Variants in CHPF2 observed in about 807,000 individuals in gnomAD.
CHPF2 encodes chondroitin polymerizing factor 2.
CHPF2 carries 58 observed loss-of-function variants against 63.0 expected under a neutral mutation model. The observed-to-expected ratio is 0.92, with a 90% confidence interval of 0.75 to 1.15. The LOEUF (loss-of-function observed/expected upper bound fraction) is 1.15, where lower values mean the gene tolerates loss of function less well. Ranked by LOEUF, CHPF2 falls within the 50% of genes most tolerant of loss-of-function variation. The pLI is 0.00. For missense variants in CHPF2, 1,045 were observed against 1,035.4 expected (o/e 1.01, Z -0.13); for synonymous variants, 442 against 438.0 (o/e 1.01, Z -0.11).
Position 151,232,671 on chromosome 7 carries a change from C to G in CHPF2, c.-1341C>G. On this transcript the variant is annotated 5_prime_UTR_variant, in exon 1 of 4. Coordinates refer to ENST00000035307, the MANE Select transcript of CHPF2 (RefSeq NM_019015.3). ...GGGACGCCGGGAGACCCCGGCCGTC[C>G]TTTATCCGGTGTCCGCCGGCCCCCG... 1 of 1,337,194 alleles carries G rather than the reference C, an allele frequency of 7.5e-7. No individual in the cohort carries two copies. Among genetic ancestry groups the G allele is most frequent in the African/African-American group, 1.5e-5 (1 of 65,384 alleles). The allele number at this position is 1,337,194 out of a possible 1,614,324, so 82.8% of individuals were successfully genotyped here. A position where few individuals can be genotyped will look rare whatever the true frequency, so the allele number is the denominator to read the frequency against.
In CHPF2 at chr7:151,238,313, G is replaced by A. The variant is rs1454866112; in HGVS notation, c.1951G>A (p.Gly651Ser). 6.2e-7 allele frequency: 1 copy of A among 1,609,844 alleles called. No homozygotes were observed. The highest frequency in any genetic ancestry group is 1.7e-5 in the Admixed American group (1 of 59,892). ...GAGPDPPSPP[G>S]ADPSRGAPIG... is the part of the protein sequence containing the mutation. ...TGGCCCTGACCCCCCCTCCCCTCCT[G>A]GTGCTGACCCCTCCCGGGGGGCTCC... Residue 651 changes from glycine (G) to serine (S), a missense_variant, in exon 4 of 4, where the codon GGT becomes AGT. Transcript: ENST00000035307.
chr7:151,234,327 G>C, intron 1 of CHPF2, 53 bp downstream of exon 1: 1 of 1,360,870 alleles, frequency 7.3e-7, no homozygotes, highest in Non-Finnish European at 9.7e-7. Flanking sequence ...TTTTGGGCTG[G>C]TGTAAATCCT....
chr7:151,236,386 A>T, intron 2 of CHPF2, 22 bp from the exon 3 acceptor site: 1 of 1,542,820 alleles, frequency 6.5e-7, no homozygotes, highest in Non-Finnish European at 8.8e-7. Context: ...TGTGTCATTG[A>T]TTGGTCTGAT....
chr7:151,237,528 G>C lies in CHPF2; in HGVS notation c.1166G>C (p.Gly389Ala). 4 of 1,614,006 alleles carry C rather than the reference G, an allele frequency of 2.5e-6. No individual in the cohort carries two copies. The highest frequency in any genetic ancestry group is 3.4e-6 in the Non-Finnish European group (4 of 1,180,022). The change falls in exon 4 of 4, where the codon GGG (glycine) becomes GCG (alanine). Residue 389 changes from glycine to alanine, a missense_variant. Gly to Ala is a moderately conservative substitution (Grantham distance 60, BLOSUM62 0). Transcript: ENST00000035307. Reference sequence around the variant, plus strand: ...CAGCACACCTTCTCCTGTGCAGATGGGGCTCCCAAGTGCCCACTACAGGGG... The same window carrying C: ...CAGCACACCTTCTCCTGTGCAGATGCGGCTCCCAAGTGCCCACTACAGGGG... The part of the protein sequence containing the change: ...TEQHTFSCAD[G>A]APKCPLQGAS...
intron 2 of CHPF2, among the ~76,000 whole-genome samples, 191 bp from the exon 3 acceptor site, chr7:151,236,217 A>G (rs896987072): frequency 2.0e-5 from 3 of 152,206 alleles, no homozygotes; most frequent in Non-Finnish European, 2.9e-5. Flanking sequence ...TTAGTTGCCT[A>G]CTTGCTTTCT....
At chr7:151,234,514 G>A (rs921282536) in intron 1 of CHPF2, among the ~76,000 whole-genome samples, 2 of 152,036 alleles carry the variant, frequency 1.3e-5, no homozygotes, top group Non-Finnish European at 2.9e-5. Context: ...GTTTTGAGAC[G>A]GAGTCTTGCT....
rs761795359 is a variant in CHPF2, at chr7:151,236,569, C to T, written c.990C>T (p.Tyr330=). ...RFSALELERA[Y]SEIEQLQAQI... Reference sequence around the variant, plus strand: ...GCGCTCTGGAGTTGGAGCGGGCTTACAGTGAAATAGAACAACTGCAGGTGA... The same window carrying T: ...GCGCTCTGGAGTTGGAGCGGGCTTATAGTGAAATAGAACAACTGCAGGTGA... Residue 330 remains tyrosine (Y), a synonymous_variant, in exon 3 of 4, where the codon TAC becomes TAT. Coordinates refer to ENST00000035307, the MANE Select transcript of CHPF2 (RefSeq NM_019015.3). 4.4e-6 allele frequency: 7 copies of T among 1,589,892 alleles called. No homozygotes were observed. The Admixed American group carries it at 1.0e-4, about 24-fold the overall frequency.
chr7:151,234,312 C>G, intron 1 of CHPF2, 38 bp downstream of exon 1: 1 of 1,442,544 alleles, frequency 6.9e-7, no homozygotes, highest in East Asian at 2.6e-5. Flanking sequence ...CAGACACTGG[C>G]CCTGTTTTGG....
chr7:151,233,561 T>A lies in CHPF2; in HGVS notation c.-451T>A. On this transcript the variant is annotated 5_prime_UTR_variant, in exon 1 of 4. In the 5' UTR this introduces an upstream ATG that the reference lacks. Transcript: ENST00000035307. ...CTGAGGCAGGCTCCGGCTCCTCTGGTTGGGGCTGTTGTTTTGATGGATCGT... is the reference window on the plus strand; with the variant it reads ...CTGAGGCAGGCTCCGGCTCCTCTGGATGGGGCTGTTGTTTTGATGGATCGT... The A allele has an allele frequency of 1.0e-6, 1 of 986,686 alleles. No homozygotes were observed. The highest frequency in any genetic ancestry group is 1.2e-6 in the Non-Finnish European group (1 of 830,824). 61.1% of individuals were successfully genotyped at this position (986,686 alleles called of 1,614,324 possible).
At chr7:151,234,970 GA>G (rs1802587646) in intron 1 of CHPF2, 77 bp from the exon 2 acceptor site, 4 of 1,171,298 alleles carry the variant, frequency 3.4e-6, no homozygotes, top group African/African-American at 1.5e-5. Context: ...CTCACTCCTA[GA>G]GGGGGATGTA....
Position 151,234,206 on chromosome 7 carries a change from T to C in CHPF2, c.195T>C (p.Asp65=). The change falls in exon 1 of 4, where the codon GAT becomes GAC. Residue 65 remains aspartate, a synonymous_variant. Transcript: ENST00000035307. ...CCAGAGCTCGGCTAGACCAAAGTGA[T>C]GAAGACTTCAAACCCCGGATTGTCC... ...PDSRARLDQS[D]EDFKPRIVPY... The C allele has an allele frequency of 6.2e-7, 1 of 1,613,350 alleles. No individual in the cohort carries two copies.
rs140913168 is a variant in CHPF2, at chr7:151,235,591, C to T, written c.807C>T (p.Val269=). The change falls in exon 2 of 4, where the codon GTC becomes GTT. Residue 269 remains valine (V), a synonymous_variant. Coordinates refer to ENST00000035307, the MANE Select transcript of CHPF2 (RefSeq NM_019015.3). ...GCTGCCTCATTGACTCTCTGGGCGT[C>T]GGCTGTGTCTCACAGCACCAGGTGA... The part of the protein sequence containing the change: ...LGRCLIDSLG[V]GCVSQHQGQQ... 31 of 1,605,580 alleles carry T rather than the reference C, an allele frequency of 1.9e-5. No individual in the cohort carries two copies. In the African/African-American group the frequency reaches 2.0e-4, roughly 10 times the overall value.
Position 151,235,560 on chromosome 7 carries a change from T to C in CHPF2, c.776T>C (p.Leu259Pro), listed in dbSNP as rs776356489. The change falls in exon 2 of 4, where the codon CTT (leucine) becomes CCT (proline). Residue 259 changes from leucine to proline, a missense_variant. Transcript: ENST00000035307. The part of the protein sequence containing the change: ...DILSARPDEW[L>P]GRCLIDSLGV... Reference sequence around the variant, plus strand: ...CTCAGTGCCCGTCCTGACGAGTGGCTTGGACGCTGCCTCATTGACTCTCTG... The same window carrying C: ...CTCAGTGCCCGTCCTGACGAGTGGCCTGGACGCTGCCTCATTGACTCTCTG... The C allele has an allele frequency of 6.2e-7, 1 of 1,609,906 alleles. No homozygotes were observed. The highest frequency in any genetic ancestry group is 1.1e-5 in the South Asian group (1 of 91,090).
In CHPF2 at chr7:151,238,127, C is replaced by T. The variant is rs772623442; in HGVS notation, c.1765C>T (p.Leu589Phe). Residue 589 changes from leucine (L) to phenylalanine (F), a missense_variant, in exon 4 of 4, where the codon CTC becomes TTC. Coordinates refer to ENST00000035307, the MANE Select transcript of CHPF2 (RefSeq NM_019015.3). ...CTCGAAGAAGCACCCTGTGGACACT[C>T]TCTTCTTCCTTACCACCGTGTGGAC... ...VVSKKHPVDT[L>F]FFLTTVWTRP... The T allele has an allele frequency of 6.2e-7, 1 of 1,612,398 alleles. No individual in the cohort carries two copies. Among genetic ancestry groups the T allele is most frequent in the Non-Finnish European group, 8.5e-7 (1 of 1,180,018 alleles).
At position 151,235,620 on chromosome 7, in the gene CHPF2, C is replaced by G. The variant is rs371745061; in HGVS notation, c.828+8C>G. 6.3e-7 allele frequency: 1 copy of G among 1,597,600 alleles called. No individual in the cohort carries two copies. Among genetic ancestry groups the G allele is most frequent in the Non-Finnish European group, 8.5e-7 (1 of 1,173,070 alleles). On this transcript the variant is annotated splice_region_variant and intron_variant, in intron 2 of 3. Coordinates refer to ENST00000035307, the MANE Select transcript of CHPF2 (RefSeq NM_019015.3). ...TGTGTCTCACAGCACCAGGTGACAG[C>G]TCTTTCAAGTCAGTCCCAGTCCCTG...
rs769781305 is a variant in CHPF2 at position 151,238,625 on chromosome 7, G to C, written c.2263G>C (p.Gly755Arg). The change falls in exon 4 of 4, where the codon GGC (glycine) becomes CGC (arginine). Residue 755 changes from glycine (G) to arginine (R), a missense_variant. Gly to Arg is a moderately radical substitution (Grantham distance 125). Coordinates refer to ENST00000035307, the MANE Select transcript of CHPF2 (RefSeq NM_019015.3). ...CRLSNLEGLG[G>R]RAQLAMALFE... ...CCTCAGCAACCTGGAGGGGCTAGGG[G>C]GCCGTGCCCAGCTGGCTATGGCTCT... 6.2e-7 allele frequency: 1 copy of C among 1,612,114 alleles called. No individual in the cohort carries two copies. Among genetic ancestry groups the C allele is most frequent in the Non-Finnish European group, 8.5e-7 (1 of 1,178,966 alleles).
Position 151,232,583 on chromosome 7 carries a change from C to T in CHPF2, c.-1429C>T. ...GTCTGTTCCCCCTTCCCCGTCCCTG[C>T]TCCCTGCCAGGCGCGTGCGGGACGC... On this transcript the variant is annotated 5_prime_UTR_variant, in exon 1 of 4. Coordinates refer to ENST00000035307, the MANE Select transcript of CHPF2 (RefSeq NM_019015.3). The T allele has an allele frequency of 1.7e-6, 1 of 588,152 alleles. No individual in the cohort carries two copies. The highest frequency in any genetic ancestry group is 2.8e-6 in the Non-Finnish European group (1 of 353,126). The allele number at this position is 588,152 out of a possible 1,614,324, so 36.4% of individuals were successfully genotyped here. A position where few individuals can be genotyped will look rare whatever the true frequency, so the allele number is the denominator to read the frequency against.
chr7:151,232,886 C>G lies in CHPF2; in HGVS notation c.-1126C>G. The G allele has an allele frequency of 7.2e-7, 1 of 1,390,224 alleles. No homozygotes were observed. Among genetic ancestry groups the G allele is most frequent in the Middle Eastern group, 1.8e-4 (1 of 5,442 alleles). 86.1% of individuals were successfully genotyped at this position (1,390,224 alleles called of 1,614,324 possible). ...GAACGACCCGAGCTGGTCTCCCGAG[C>G]CCCCTTCTCAGCAGCCCGGTGACGT... is the stretch of plus-strand genomic sequence containing the variant. On this transcript the variant is annotated 5_prime_UTR_variant, in exon 1 of 4. Coordinates refer to ENST00000035307, the MANE Select transcript of CHPF2 (RefSeq NM_019015.3).
rs774140608 is a variant in CHPF2 at position 151,237,934 on chromosome 7, C to T, written c.1572C>T (p.Thr524=). 1 of 1,613,074 alleles carries T rather than the reference C, an allele frequency of 6.2e-7. No homozygotes were observed. Among genetic ancestry groups the T allele is most frequent in the Admixed American group, 1.7e-5 (1 of 60,028 alleles). Residue 524 remains threonine (T), a synonymous_variant, in exon 4 of 4, where the codon ACC becomes ACT. Transcript: ENST00000035307. ...VLEPREHALL[T]LLLVYGPREG... ...AGCCACGAGAACATGCATTGCTCACCCTGTTGCTGGTCTACGGGCCACGAG... is the reference window on the plus strand; with the variant it reads ...AGCCACGAGAACATGCATTGCTCACTCTGTTGCTGGTCTACGGGCCACGAG...
Sources: allele counts gnomAD v4.1 joint callset (sites outside exome capture counted in the v4.1 genomes callset), GRCh38; gene constraint gnomAD v4.1.1; transcripts MANE v1.5; gene names NCBI Gene and HGNC (gene_info 2026-07-23, HGNC 2026-07-21).